BMP2K: variants seen among roughly 807,000 people sequenced by gnomAD.
BMP2K encodes BMP2 inducible kinase.
A neutral mutation model predicts 116.0 loss-of-function variants in BMP2K; 74 were observed. The ratio of observed to expected loss-of-function variants is 0.64; its 90% CI spans 0.53 to 0.77. The LOEUF is 0.77. Among genes scored for constraint, BMP2K ranks in the 30% least tolerant of loss-of-function variants. The probability of loss-of-function intolerance (pLI) is 0.00; values close to 1 mark genes in which losing one functional copy is unlikely to be tolerated. For missense variants in BMP2K, 1,365 were observed against 1,403.6 expected (o/e 0.97, Z 0.44); for synonymous variants, 486 against 502.5 (o/e 0.97, Z 0.44).
intron 2 of BMP2K, among the ~76,000 whole-genome samples, chr4:78,828,474 C>G (rs1272089601): frequency 3.9e-5 from 6 of 152,118 alleles, no homozygotes; most frequent in Non-Finnish European, 8.8e-5. Context: ...CATTCCTTCC[C>G]CCAGGGTATA....
intron 14 of BMP2K, chr4:78,879,845 A>C (rs778089120): frequency 2.6e-5 from 4 of 152,236 alleles, no homozygotes; most frequent in African/African-American, 9.6e-5. Context: ...TCCTGTAAGA[A>C]TAGTTTGGGA....
At chr4:78,866,686 T>C (rs1011538556) in intron 10 of BMP2K, among the ~76,000 whole-genome samples, 3 of 152,132 alleles carry the variant, frequency 2.0e-5, no homozygotes, top group South Asian at 2.1e-4. Flanking sequence ...GTCTCACTCT[T>C]GTCCCCCAGG....
rs545599371 is a variant in BMP2K, at chr4:78,860,009, C to T, written c.987+322C>T. Reference sequence around the variant, plus strand: ...GGGCCTAACAGTTTAATAAACAGGACTGTTAGTTTTTTTTTTTTTTTCTTA... The same window carrying T: ...GGGCCTAACAGTTTAATAAACAGGATTGTTAGTTTTTTTTTTTTTTTCTTA... On this transcript the variant is annotated intron_variant, in intron 8 of 15. Transcript: ENST00000502613. 2.9e-5 allele frequency: 15 copies of T among 524,784 alleles called. No individual in the cohort carries two copies. The African/African-American group carries it at 2.9e-4, about 10-fold the overall frequency. 32.5% of individuals were successfully genotyped at this position (524,784 alleles called of 1,614,324 possible).
At chr4:78,854,689 T>G (rs1010795081) in intron 7 of BMP2K, among the ~76,000 whole-genome samples, 1 of 152,118 alleles carries the variant, frequency 6.6e-6, no homozygotes. Context: ...CTGGTTCGAT[T>G]AGGGTTAAAT....
At chr4:78,880,865 G>C (rs1156985397) in intron 14 of BMP2K, among the ~76,000 whole-genome samples, 1 of 152,190 alleles carries the variant, frequency 6.6e-6, no homozygotes, top group Non-Finnish European at 1.5e-5. Context: ...ATTAATTACA[G>C]AAAGATACTA....
intron 15 of BMP2K, among the ~76,000 whole-genome samples, chr4:78,909,372 T>TA (rs34963549): frequency 0.79 from 119,731 of 151,674 alleles, 47,567 homozygotes; most frequent in Non-Finnish European, 0.84. Flanking sequence ...CATTTTTTTT[T>TA]ATGTAAACCT....
intron 1 of BMP2K, among the ~76,000 whole-genome samples, chr4:78,821,228 G>C (rs1237050152): frequency 6.6e-6 from 1 of 152,170 alleles, no homozygotes; most frequent in African/African-American, 2.4e-5. Context: ...TTTTTAAAGA[G>C]TGAAGTTCTA....
At chr4:78,890,124 TA>T (rs1733350492) in intron 15 of BMP2K, among the ~76,000 whole-genome samples, 2 of 152,142 alleles carry the variant, frequency 1.3e-5, no homozygotes, top group Admixed American at 6.5e-5. Flanking sequence ...GAAACTTTAT[TA>T]AAGTATGTAT....
rs543118107 is a variant in BMP2K at position 78,826,388 on chromosome 4, A to G, written c.297+233A>G. ...GGCTAATTTTTTGTATTTTTAGTAG[A>G]GACAGGGTTTCACCATGTTGGGCAG... On this transcript the variant is annotated intron_variant, in intron 2 of 15. Coordinates refer to ENST00000502613, the MANE Select transcript of BMP2K (RefSeq NM_198892.2). Among the ~76,000 whole-genome samples the G allele has an allele frequency of 4.6e-5, 7 of 152,050 alleles. No individual in the cohort carries two copies. The East Asian group carries it at 9.7e-4, about 21-fold the overall frequency.
chr4:78,888,154 A>G (rs1353935138), intron 15 of BMP2K: 1 of 152,232 alleles, frequency 6.6e-6, no homozygotes, highest in Non-Finnish European at 1.5e-5. Flanking sequence ...GTTATCTGGA[A>G]TATACAGGAT....
At chr4:78,875,838 A>G (rs1457358805) in intron 13 of BMP2K, among the ~76,000 whole-genome samples, 1 of 152,230 alleles carries the variant, frequency 6.6e-6, no homozygotes, top group East Asian at 1.9e-4. Flanking sequence ...ATTATTTTGA[A>G]CAAGGAATTA....
intron 7 of BMP2K, among the ~76,000 whole-genome samples, chr4:78,858,596 C>A (rs1731616029): frequency 1.3e-5 from 2 of 151,830 alleles, no homozygotes; most frequent in African/African-American, 4.8e-5. Flanking sequence ...ATCACACATT[C>A]TGTATTCAAA....
chr4:78,863,373 G>A (rs3822106), intron 9 of BMP2K, among the ~76,000 whole-genome samples: 1 of 151,858 alleles, frequency 6.6e-6, no homozygotes, highest in Admixed American at 6.6e-5. Flanking sequence ...TTCAAAAAGC[G>A]CCTGTGGGTT....
chr4:78,810,281 G>A (rs1729021649), intron 1 of BMP2K, among the ~76,000 whole-genome samples: 1 of 152,148 alleles, frequency 6.6e-6, no homozygotes, highest in South Asian at 2.1e-4. Flanking sequence ...GAGGTAAGAG[G>A]CTAGGTCCTT....
intron 15 of BMP2K, among the ~76,000 whole-genome samples, chr4:78,895,882 C>A (rs780664792): frequency 4.4e-4 from 67 of 152,030 alleles, no homozygotes; most frequent in Admixed American, 2.0e-3. Context: ...CCACCTTAGC[C>A]TCCTAAGAAG....
chr4:78,834,730 G>C (rs1343680957), intron 3 of BMP2K, among the ~76,000 whole-genome samples: 1 of 152,232 alleles, frequency 6.6e-6, no homozygotes, highest in South Asian at 2.1e-4. Context: ...TTTCCTGAAG[G>C]TTGCGGAAAA....
At chr4:78,790,483 C>T (rs572283226) in intron 1 of BMP2K, among the ~76,000 whole-genome samples, 106 of 152,158 alleles carry the variant, frequency 7.0e-4, no homozygotes, top group Non-Finnish European at 8.2e-4. Context: ...ATGTGCAGAA[C>T]CTCTGTGAAA....
At chr4:78,887,137 A>G in intron 14 of BMP2K, 37 bp from the exon 15 acceptor site, 4 of 1,348,280 alleles carry the variant, frequency 3.0e-6, no homozygotes, top group Non-Finnish European at 4.1e-6. Context: ...TTTTTATTTC[A>G]TTTCATTTTT....
At chr4:78,850,569 T>C (rs1158856592) in intron 6 of BMP2K, among the ~76,000 whole-genome samples, 1 of 151,930 alleles carries the variant, frequency 6.6e-6, no homozygotes, top group African/African-American at 2.4e-5. Context: ...TTAAAAATGC[T>C]GTTAAAGAAG....
Sources: gnomAD v4.1 joint callset for allele counts (sites outside exome capture counted in the v4.1 genomes callset) on GRCh38, gnomAD v4.1.1 for gene constraint, MANE v1.5 for transcripts, NCBI Gene and HGNC (gene_info 2026-07-23, HGNC 2026-07-21) for gene names.